Variants in PLA2G2C observed in about 807,000 individuals in gnomAD.
PLA2G2C encodes putative inactive group IIC secretory phospholipase A2.
In PLA2G2C, 15 loss-of-function variants were observed where a neutral mutation model predicts 14.3. The observed-to-expected ratio is 1.05, with a 90% CI of 0.70 to 1.62. The LOEUF (loss-of-function observed/expected upper bound fraction) is 1.62. Among genes scored for constraint, PLA2G2C ranks in the 40% most tolerant of loss-of-function variants. The probability of loss-of-function intolerance (pLI) is 0.00; values close to 1 mark genes in which losing one functional copy is unlikely to be tolerated. For synonymous variants in PLA2G2C, 79 were observed against 67.7 expected (o/e 1.17, Z -0.82); for missense variants, 162 against 173.2 (o/e 0.94, Z 0.36).
chr1:20,181,089 C>A (rs2018271948), intron 1 of PLA2G2C, among the ~76,000 whole-genome samples: 2 of 152,176 alleles, frequency 1.3e-5, no homozygotes, highest in South Asian at 4.1e-4. Flanking sequence ...CACACTTATG[C>A]CTTGCAGGGG....
rs557175796 is a variant in PLA2G2C, at chr1:20,163,886, C to A, written c.*105G>T. ...CCCTGCGGGAGACATTTTGTCCTCC[C>A]TCCCAGTGGAAGAACAGGGGCCTGT... On this transcript the variant is annotated 3_prime_UTR_variant, in exon 5 of 5. Coordinates refer to ENST00000679259, the MANE Select transcript of PLA2G2C (RefSeq NM_001367969.2). 12 of 1,296,780 alleles carry A rather than the reference C, an allele frequency of 9.3e-6. No individual in the cohort carries two copies. In the African/African-American group the frequency reaches 1.6e-4, roughly 18 times the overall value. The allele number at this position is 1,296,780 out of a possible 1,614,324, so 80.3% of individuals were successfully genotyped here.
intron 1 of PLA2G2C, among the ~76,000 whole-genome samples, chr1:20,181,652 C>T (rs953244526): frequency 6.6e-6 from 1 of 151,894 alleles, no homozygotes; most frequent in African/African-American, 2.4e-5. Flanking sequence ...ACAAGCTGCT[C>T]AGCTTCATTT....
intron 2 of PLA2G2C, among the ~76,000 whole-genome samples, chr1:20,175,685 G>C (rs1325529791): frequency 6.6e-6 from 1 of 152,064 alleles, no homozygotes; most frequent in African/African-American, 2.4e-5. Context: ...ACACAAAATG[G>C]TTTCCTGAAG....
At chr1:20,185,504 G>T (rs1417520863) in intron 1 of PLA2G2C, among the ~76,000 whole-genome samples, 1 of 152,210 alleles carries the variant, frequency 6.6e-6, no homozygotes, top group Non-Finnish European at 1.5e-5. Context: ...GCTGGAAGTG[G>T]AAGAGATTGT....
Position 20,177,401 on chromosome 1 carries a change from C to T in PLA2G2C, c.-38G>A, listed in dbSNP as rs183038232. 313 of 659,054 alleles carry T rather than the reference C, an allele frequency of 4.7e-4. 1 individual carries two copies. The East Asian group carries it at 6.1e-3, about 13-fold the overall frequency. 40.8% of individuals were successfully genotyped at this position (659,054 alleles called of 1,614,324 possible). On this transcript the variant is annotated 5_prime_UTR_variant, in exon 2 of 5. The change creates a new upstream start codon in the 5' untranslated region. Transcript: ENST00000679259. ...CAGGGGGTCTGAGGTTCTACAGCCACGCCTTCACCTGTGTGTGAGGGGTCT... is the reference window on the plus strand; with the variant it reads ...CAGGGGGTCTGAGGTTCTACAGCCATGCCTTCACCTGTGTGTGAGGGGTCT...
intron 1 of PLA2G2C, 98 bp from the exon 2 acceptor site, chr1:20,177,537 A>G (rs1005704850): frequency 1.1e-5 from 5 of 443,786 alleles, no homozygotes; most frequent in Non-Finnish European, 1.2e-5. Context: ...GACTCAAAGA[A>G]ATCATTTTCA....
intron 2 of PLA2G2C, among the ~76,000 whole-genome samples, chr1:20,176,318 G>A (rs1352934279): frequency 1.3e-5 from 2 of 152,164 alleles, no homozygotes; most frequent in East Asian, 3.8e-4. Flanking sequence ...ACATCTGGAT[G>A]TAGGGAAAAA....
At chr1:20,170,941 CT>C (rs2018063597) in intron 4 of PLA2G2C, among the ~76,000 whole-genome samples, 1 of 141,822 alleles carries the variant, frequency 7.1e-6, no homozygotes, top group African/African-American at 2.7e-5. Context: ...CCAGCCTCTG[CT>C]CCTCAACCTT....
At chr1:20,170,333 C>G (rs571652767) in intron 4 of PLA2G2C, among the ~76,000 whole-genome samples, 1 of 152,228 alleles carries the variant, frequency 6.6e-6, no homozygotes, top group African/African-American at 2.4e-5. Context: ...AAACTCATCC[C>G]CTCTGTGGGT....
intron 4 of PLA2G2C, among the ~76,000 whole-genome samples, chr1:20,172,341 C>A (rs1210890007): frequency 6.6e-6 from 1 of 152,072 alleles, no homozygotes; most frequent in African/African-American, 2.4e-5. Flanking sequence ...TCCCCCTTCC[C>A]TTCCCACCTA....
intron 4 of PLA2G2C, among the ~76,000 whole-genome samples, chr1:20,169,015 G>C (rs755509185): frequency 3.9e-5 from 6 of 152,120 alleles, no homozygotes; most frequent in Non-Finnish European, 5.9e-5. Flanking sequence ...TCCCTCCCCT[G>C]CTTACCTACT....
chr1:20,180,451 A>G (rs1254647901), intron 1 of PLA2G2C, among the ~76,000 whole-genome samples: 2 of 152,198 alleles, frequency 1.3e-5, no homozygotes, highest in Non-Finnish European at 2.9e-5. Flanking sequence ...GGCAGGTTCT[A>G]TCACATTCAC....
chr1:20,181,077 A>G (rs2018271733), intron 1 of PLA2G2C, among the ~76,000 whole-genome samples: 2 of 152,236 alleles, frequency 1.3e-5, no homozygotes, highest in South Asian at 4.1e-4. Flanking sequence ...TAACGTATAT[A>G]TCACACTTAT....
Sources: allele counts gnomAD v4.1 joint callset (sites outside exome capture counted in the v4.1 genomes callset), GRCh38; gene constraint gnomAD v4.1.1; transcripts MANE v1.5; gene names NCBI Gene and HGNC (gene_info 2026-07-23, HGNC 2026-07-21).